NEK8: variants seen among roughly 807,000 people sequenced by gnomAD.
The protein encoded by NEK8 is serine/threonine-protein kinase Nek8.
A neutral mutation model predicts 77.2 loss-of-function variants in NEK8; 51 were observed. The observed-to-expected ratio is 0.66, with a 90% CI of 0.53 to 0.83. The LOEUF (loss-of-function observed/expected upper bound fraction) is 0.83, where lower values mean the gene tolerates loss of function less well. NEK8 is among the 40% of genes least tolerant of loss of function. The pLI, the probability that NEK8 is intolerant of heterozygous loss-of-function variation, is 0.00. For synonymous variants in NEK8, 365 were observed against 363.2 expected (o/e 1.00, Z -0.06); for missense variants, 787 against 909.2 (o/e 0.87, Z 1.73).
At position 28,743,196 on chromosome 17, in the gene NEK8, C is replaced by T. The variant is rs2034447362; in HGVS notation, c.*1209C>T. ...GGCCATTAGGCCTGCCTAGCTTCTG[C>T]ATAGCCCGGGGCTGGGCGGTCCCCG... On this transcript the variant is annotated 3_prime_UTR_variant, in exon 15 of 15. Transcript: ENST00000268766. The T allele has an allele frequency of 6.6e-6, 1 of 151,978 alleles. No homozygotes were observed. Among genetic ancestry groups the T allele is most frequent in the African/African-American group, 2.4e-5 (1 of 41,376 alleles). 9.4% of individuals were successfully genotyped at this position (151,978 alleles called of 1,614,324 possible). A position where few individuals can be genotyped will look rare whatever the true frequency, so the allele number is the denominator to read the frequency against.
Position 28,738,170 on chromosome 17 carries a change from C to T in NEK8, c.1147C>T (p.Arg383Cys), listed in dbSNP as rs780241960. Reference protein sequence around the residue: ...VEQPQPQFISRFLEGQSGVTI... With the variant: ...VEQPQPQFISCFLEGQSGVTI... ...GCAGCCACAGCCCCAGTTCATCTCG[C>T]GTTTCCTGGAGGGCCAGTCGGGTGT... is the stretch of plus-strand genomic sequence containing the variant. Residue 383 changes from arginine (R) to cysteine (C), a missense_variant, in exon 8 of 15, where the codon CGT becomes TGT. Coordinates refer to ENST00000268766, the MANE Select transcript of NEK8 (RefSeq NM_178170.3). 8.7e-6 allele frequency: 14 copies of T among 1,614,016 alleles called. No individual in the cohort carries two copies. Among genetic ancestry groups the T allele is most frequent in the East Asian group, 4.5e-5 (2 of 44,884 alleles).
intron 1 of NEK8, among the ~76,000 whole-genome samples, chr17:28,731,826 C>T (rs1247333998): frequency 6.8e-6 from 1 of 147,010 alleles, no homozygotes. Flanking sequence ...AGTATGGTCT[C>T]GATCTGCTGA....
intron 4 of NEK8, among the ~76,000 whole-genome samples, chr17:28,735,950 C>G (rs569826212): frequency 2.2e-5 from 3 of 134,478 alleles, no homozygotes; most frequent in Admixed American, 7.7e-5. Context: ...CAACAGGCCC[C>G]GGTGTGTGAT....
intron 4 of NEK8, among the ~76,000 whole-genome samples, chr17:28,735,833 T>C (rs2034359692): frequency 6.6e-6 from 1 of 152,146 alleles, no homozygotes; most frequent in Non-Finnish European, 1.5e-5. Context: ...CGTGCAGGTT[T>C]GATACGTATG....
chr17:28,729,823 G>A (rs1597803198), intron 1 of NEK8, among the ~76,000 whole-genome samples: 3 of 152,224 alleles, frequency 2.0e-5, no homozygotes, highest in African/African-American at 4.8e-5. Context: ...TGGAATTACA[G>A]GCGTGAGCCA....
rs199933041 is a variant in NEK8 at position 28,737,984 on chromosome 17, G to T, written c.1055G>T (p.Arg352Leu). 519 of 1,611,944 alleles carry T rather than the reference G, an allele frequency of 3.2e-4. No individual in the cohort carries two copies. The highest frequency in any genetic ancestry group is 5.8e-4 in the Admixed American group (35 of 59,976). ...AAAGCCGGCGTCACGCGCTCTGGGC[G>T]TCTCATCCTGTGGGAGGTGAGCAGG... Reference protein sequence around the residue: ...TQKAGVTRSGRLILWEAPPLG... With the variant: ...TQKAGVTRSGLLILWEAPPLG... The change falls in exon 7 of 15, where the codon CGT becomes CTT. Residue 352 changes from arginine to leucine, a missense_variant. Physicochemically the swap from Arg to Leu is moderately radical, Grantham distance 102 (BLOSUM62 -2). This residue lies in a region of NEK8 where 516 missense variants were observed against 544.0 expected (regional missense o/e 0.95). Coordinates refer to ENST00000268766, the MANE Select transcript of NEK8 (RefSeq NM_178170.3). The surrounding 1 kb of genome is among the most constrained non-coding windows in gnomAD (Gnocchi z 4.8).
At chr17:28,734,751 G>C (rs369312030) in intron 2 of NEK8, 21 bp from the exon 3 acceptor site, 1 of 1,563,514 alleles carries the variant, frequency 6.4e-7, no homozygotes, top group Admixed American at 1.7e-5. Flanking sequence ...CCTGGATCTT[G>C]ATTAGTCCCT....
At position 28,740,482 on chromosome 17, in the gene NEK8, CA is replaced by C; in HGVS notation, c.1438del (p.Arg480GlyfsTer29). On this transcript the variant is annotated frameshift_variant, in exon 11 of 15. Coordinates refer to ENST00000268766, the MANE Select transcript of NEK8 (RefSeq NM_178170.3). LOFTEE classifies it high-confidence loss of function. The surrounding 1 kb of genome is among the most constrained non-coding windows in gnomAD (Gnocchi z 4.7). Reference protein sequence around the residue: ...GDSGRLGLGTRESHSCPQQVP... With the variant: ...GDSGRLGLGTXESHSCPQQVP... ...TTGTAGGCAGACTGGGGCTAGGCAC[CA>C]GGGAGTCCCACAGCTGCCCCCAGCA... 1 of 1,614,064 alleles carries C rather than the reference CA, an allele frequency of 6.2e-7. No individual in the cohort carries two copies. The highest frequency in any genetic ancestry group is 8.5e-7 in the Non-Finnish European group (1 of 1,179,984).
At chr17:28,731,527 GA>G (rs2034306637) in intron 1 of NEK8, among the ~76,000 whole-genome samples, 1 of 151,888 alleles carries the variant, frequency 6.6e-6, no homozygotes, top group African/African-American at 2.4e-5. Flanking sequence ...AACAGAGTGA[GA>G]CTCCTTCTCA....
intron 1 of NEK8, 136 bp downstream of exon 1, chr17:28,728,996 G>A (rs1022149469): frequency 1.3e-6 from 1 of 799,198 alleles, no homozygotes; most frequent in Admixed American, 2.1e-5. Flanking sequence ...CCAAGCTTCC[G>A]GTCCCAGTCC....
At chr17:28,738,559 C>T (rs2034389996) in intron 8 of NEK8, 112 bp from the exon 9 acceptor site, 1 of 941,192 alleles carries the variant, frequency 1.1e-6, no homozygotes, top group Admixed American at 1.9e-5. Flanking sequence ...CCCATCCTTC[C>T]AGCCCTGGTC....
At chr17:28,732,621 G>C (rs975482155) in intron 1 of NEK8, among the ~76,000 whole-genome samples, 1 of 137,826 alleles carries the variant, frequency 7.3e-6, no homozygotes, top group Admixed American at 8.2e-5. Flanking sequence ...GCGCCATCTC[G>C]GCTCACAGCA....
chr17:28,729,638 G>T (rs562659658), intron 1 of NEK8, among the ~76,000 whole-genome samples: 1 of 149,906 alleles, frequency 6.7e-6, no homozygotes, highest in South Asian at 2.1e-4. Context: ...TGCCTCCCTG[G>T]TTCAAGCGCT....
At chr17:28,730,790 G>C (rs533600934) in intron 1 of NEK8, among the ~76,000 whole-genome samples, 1 of 152,130 alleles carries the variant, frequency 6.6e-6, no homozygotes, top group Non-Finnish European at 1.5e-5. Flanking sequence ...GGTGGCATTG[G>C]CATGTGCCTG....
At chr17:28,728,962 G>GAGCGCCACTCTGGGA in intron 1 of NEK8, 102 bp downstream of exon 1, 1 of 1,120,602 alleles carries the variant, frequency 8.9e-7, no homozygotes, top group South Asian at 1.3e-5. Flanking sequence ...CCCAAGGCGT[G>GAGCGCCACTCTGGGA]AGCGCCACTC....
chr17:28,732,527 G>A (rs866344218), intron 1 of NEK8, among the ~76,000 whole-genome samples: 45 of 148,658 alleles, frequency 3.0e-4, no homozygotes, highest in African/African-American at 8.7e-4. Context: ...ATTCTAGGGC[G>A]ATTTTCTTTT....
chr17:28,739,212 G>C lies in NEK8; in HGVS notation c.1417+11G>C. The C allele has an allele frequency of 6.4e-7, 1 of 1,574,384 alleles. No individual in the cohort carries two copies. The highest frequency in any genetic ancestry group is 1.1e-5 in the South Asian group (1 of 90,332). On this transcript the variant is annotated intron_variant, in intron 10 of 14. Transcript: ENST00000268766. ...GCCGTGGAGACAGCGGTAAGCTCCA[G>C]CCTTTAGGCCCCATCTCACAGCATC... is the stretch of plus-strand genomic sequence containing the variant.
In NEK8 at chr17:28,729,874, G is replaced by A. The variant is rs377436233; in HGVS notation, c.47+1014G>A. 5.9e-5 allele frequency among the ~76,000 whole-genome samples: 9 copies of A among 152,130 alleles called. No homozygotes were observed. In the East Asian group the frequency reaches 1.3e-3, roughly 23 times the overall value. On this transcript the variant is annotated intron_variant, in intron 1 of 14. Coordinates refer to ENST00000268766, the MANE Select transcript of NEK8 (RefSeq NM_178170.3). ...AGTGAGATTTAAGGCCAAGACTTGA[G>A]GAATGAGGACCAGTAGTCTGCAGGT...
At chr17:28,728,961 T>G (rs1011201637) in intron 1 of NEK8, 101 bp downstream of exon 1, 3 of 1,115,382 alleles carry the variant, frequency 2.7e-6, no homozygotes, top group Non-Finnish European at 4.0e-6. Context: ...CCCCAAGGCG[T>G]GAGCGCCACT....
Sources: gnomAD v4.1 joint callset for allele counts (sites outside exome capture counted in the v4.1 genomes callset) on GRCh38, gnomAD v4.1.1 for gene constraint, gnomAD v4.1.1 regional missense constraint, Gnocchi (gnomAD v3.1) non-coding constraint, MANE v1.5 for transcripts, NCBI Gene and HGNC (gene_info 2026-07-23, HGNC 2026-07-21) for gene names.